ETV6: variants seen among roughly 807,000 people sequenced by gnomAD.
The protein encoded by ETV6 is transcription factor ETV6.
In ETV6, 16 loss-of-function variants were observed where a neutral mutation model predicts 51.1. That is an observed-to-expected ratio of 0.31 (90% CI 0.21 to 0.48). The LOEUF (loss-of-function observed/expected upper bound fraction) is 0.48, where lower values mean the gene tolerates loss of function less well. Ranked by LOEUF, ETV6 falls within the 20% of genes least tolerant of loss-of-function variation. The pLI is 0.99. For synonymous variants in ETV6, 240 were observed against 224.1 expected (o/e 1.07, Z -0.64); for missense variants, 458 against 594.8 (o/e 0.77, Z 2.39).
rs1316114948 is a variant in ETV6, at chr12:11,649,798, G to T, written c.-330G>T. On this transcript the variant is annotated 5_prime_UTR_variant, in exon 1 of 8. Coordinates refer to ENST00000396373, the MANE Select transcript of ETV6 (RefSeq NM_001987.5). The stretch of plus-strand genomic sequence containing the variant: ...GAGCGAGGGAGAGCCGCGGGAGGGC[G>T]GGGGGCGGGGGCGCCGGCTGCGGGT... 1 of 143,588 alleles carries T rather than the reference G, an allele frequency of 7.0e-6. No homozygotes were observed. The highest frequency in any genetic ancestry group is 1.5e-5 in the Non-Finnish European group (1 of 66,534). 8.9% of individuals were successfully genotyped at this position (143,588 alleles called of 1,614,324 possible).
At chr12:11,691,539 T>C (rs535356067) in intron 1 of ETV6, among the ~76,000 whole-genome samples, 1 of 152,380 alleles carries the variant, frequency 6.6e-6, no homozygotes, top group South Asian at 2.1e-4. Context: ...TGTAGCTATA[T>C]AGATATGTAT....
chr12:11,728,329 A>G (rs1055727229), intron 1 of ETV6, among the ~76,000 whole-genome samples: 1 of 152,216 alleles, frequency 6.6e-6, no homozygotes, highest in Non-Finnish European at 1.5e-5. Flanking sequence ...GCAGACTAGT[A>G]CTGTCCGTGG....
intron 2 of ETV6, among the ~76,000 whole-genome samples, chr12:11,775,511 C>G (rs546999962): frequency 2.0e-4 from 30 of 152,248 alleles, no homozygotes; most frequent in South Asian, 1.5e-3. Context: ...TAACTGAGCA[C>G]CTGTGATCAA....
At chr12:11,796,494 C>G (rs1945678336) in intron 2 of ETV6, among the ~76,000 whole-genome samples, 1 of 152,276 alleles carries the variant, frequency 6.6e-6, no homozygotes, top group African/African-American at 2.4e-5. Context: ...CCTTCTGACT[C>G]TCAACCCAAT....
Position 11,893,658 on chromosome 12 carries a change from A to G in ETV6, c.*2612A>G, listed in dbSNP as rs1947332631. The G allele has an allele frequency of 4.3e-6, 1 of 230,338 alleles. No individual in the cohort carries two copies. The highest frequency in any genetic ancestry group is 8.6e-6 in the Non-Finnish European group (1 of 116,476). 14.3% of individuals were successfully genotyped at this position (230,338 alleles called of 1,614,324 possible). Reference sequence around the variant, plus strand: ...AACACATTTGCTTTCTTATGGTTCAATGTACACAAACTGTTTTATATAGAA... The same window carrying G: ...AACACATTTGCTTTCTTATGGTTCAGTGTACACAAACTGTTTTATATAGAA... On this transcript the variant is annotated 3_prime_UTR_variant, in exon 8 of 8. Transcript: ENST00000396373.
At chr12:11,704,129 A>G (rs1865031259) in intron 1 of ETV6, among the ~76,000 whole-genome samples, 1 of 152,214 alleles carries the variant, frequency 6.6e-6, no homozygotes, top group Admixed American at 6.5e-5. Flanking sequence ...TTCCAAGGTA[A>G]GCACCGTGAA....
At chr12:11,664,348 CA>C (rs1864156725) in intron 1 of ETV6, among the ~76,000 whole-genome samples, 2 of 151,894 alleles carry the variant, frequency 1.3e-5, no homozygotes, top group Admixed American at 1.3e-4. Context: ...ATTTTTGTCC[CA>C]CATAAGTCAG....
chr12:11,841,513 GAGGCAGAAA>G (rs1946390373), intron 3 of ETV6, among the ~76,000 whole-genome samples: 1 of 152,254 alleles, frequency 6.6e-6, no homozygotes, highest in Non-Finnish European at 1.5e-5. Flanking sequence ...ATGAGTAGAA[GAGGCAGAAA>G]AGGCAGGAAG....
chr12:11,765,955 A>T (rs1945155361), intron 2 of ETV6, among the ~76,000 whole-genome samples: 1 of 152,136 alleles, frequency 6.6e-6, no homozygotes, highest in Non-Finnish European at 1.5e-5. Context: ...TGATGCAGGT[A>T]TGCTTATTTC....
intron 2 of ETV6, among the ~76,000 whole-genome samples, chr12:11,753,615 A>C (rs1044853359): frequency 1.7e-4 from 26 of 152,120 alleles, no homozygotes; most frequent in African/African-American, 5.8e-4. Context: ...CCCTCCTCAG[A>C]AGGTTGCTTT....
At chr12:11,772,278 A>G (rs1167672230) in intron 2 of ETV6, among the ~76,000 whole-genome samples, 1 of 152,238 alleles carries the variant, frequency 6.6e-6, no homozygotes, top group Non-Finnish European at 1.5e-5. Flanking sequence ...CTCAGAGATC[A>G]CTGTTTATCT....
chr12:11,756,106 G>A (rs951456936), intron 2 of ETV6, among the ~76,000 whole-genome samples: 40 of 152,178 alleles, frequency 2.6e-4, no homozygotes, highest in African/African-American at 9.7e-4. Context: ...AGAGAGTGAT[G>A]CCTTTTCCTT....
At chr12:11,788,895 T>C (rs1945531814) in intron 2 of ETV6, among the ~76,000 whole-genome samples, 1 of 152,112 alleles carries the variant, frequency 6.6e-6, no homozygotes, top group Non-Finnish European at 1.5e-5. Flanking sequence ...CAGAACAATT[T>C]AGTGTTTACA....
rs149114371 is a variant in ETV6 at position 11,691,161 on chromosome 12, G to A, written c.33+41001G>A. 2.7e-3 allele frequency among the ~76,000 whole-genome samples: 418 copies of A among 152,046 alleles called. 1 individual carries two copies. The highest frequency in any genetic ancestry group is 9.4e-3 in the African/African-American group (388 of 41,490). ...GAGCTCTCTAAGGCCTCTTTTATAC[G>A]AACCTAAATCCCATCCATGAGGGCT... is the stretch of plus-strand genomic sequence containing the variant. On this transcript the variant is annotated intron_variant, in intron 1 of 7. Coordinates refer to ENST00000396373, the MANE Select transcript of ETV6 (RefSeq NM_001987.5).
chr12:11,848,822 A>T (rs758781360), intron 3 of ETV6, among the ~76,000 whole-genome samples: 2 of 152,214 alleles, frequency 1.3e-5, no homozygotes, highest in Non-Finnish European at 2.9e-5. Flanking sequence ...GTGAAGATAG[A>T]TGGAGGAACC....
At chr12:11,815,962 C>T (rs2723810) in intron 2 of ETV6, among the ~76,000 whole-genome samples, 74,000 of 152,004 alleles carry the variant, frequency 0.49, 18,061 homozygotes, top group East Asian at 0.53. Flanking sequence ...CCTGGGATGG[C>T]AGGTTATAGA....
At chr12:11,676,193 A>T (rs1286615518) in intron 1 of ETV6, among the ~76,000 whole-genome samples, 1 of 152,218 alleles carries the variant, frequency 6.6e-6, no homozygotes, top group Non-Finnish European at 1.5e-5. Flanking sequence ...AAGCGAGGCA[A>T]CGTGACAGAG....
chr12:11,725,828 C>T (rs1486580551), intron 1 of ETV6, among the ~76,000 whole-genome samples: 4 of 152,192 alleles, frequency 2.6e-5, no homozygotes, highest in African/African-American at 4.8e-5. Context: ...CTGCACACGC[C>T]GGCTCGCCTC....
intron 1 of ETV6, among the ~76,000 whole-genome samples, chr12:11,669,107 T>C (rs1017803836): frequency 1.3e-5 from 2 of 152,230 alleles, no homozygotes; most frequent in Middle Eastern, 3.2e-3. Flanking sequence ...GCTTCCCCTT[T>C]CCTGGGCTTT....
Sources: allele counts gnomAD v4.1 joint callset (sites outside exome capture counted in the v4.1 genomes callset), GRCh38; gene constraint gnomAD v4.1.1; transcripts MANE v1.5; gene names NCBI Gene and HGNC (gene_info 2026-07-23, HGNC 2026-07-21).